The following GALNT12 variants were observed in gnomAD, a reference collection of about 807,000 sequenced individuals.
The protein encoded by GALNT12 is UDP-GalNAc:polypeptide N-acetylgalactosaminyltransferase 12.
In GALNT12, 45 loss-of-function variants were observed where a neutral mutation model predicts 55.5. The observed-to-expected ratio is 0.81, with a 90% CI of 0.64 to 1.04. The LOEUF (loss-of-function observed/expected upper bound fraction) is 1.04, where lower values mean the gene tolerates loss of function less well. Ranked by LOEUF, GALNT12 falls within the 50% of genes least tolerant of loss-of-function variation. The pLI, the probability that GALNT12 is intolerant of heterozygous loss-of-function variation, is 0.00. For missense variants in GALNT12, 709 were observed against 754.8 expected (o/e 0.94, Z 0.71); for synonymous variants, 304 against 312.2 (o/e 0.97, Z 0.28).
At chr9:98,835,991 C>T (rs766452351) in intron 5 of GALNT12, among the ~76,000 whole-genome samples, 4 of 152,194 alleles carry the variant, frequency 2.6e-5, no homozygotes, top group Non-Finnish European at 5.9e-5. Flanking sequence ...CCGCCTTGGC[C>T]TCCCAAAGTG....
At chr9:98,839,286 A>G (rs1385877033) in intron 6 of GALNT12, among the ~76,000 whole-genome samples, 1 of 152,190 alleles carries the variant, frequency 6.6e-6, no homozygotes, top group Non-Finnish European at 1.5e-5. Flanking sequence ...TTATTCAAAC[A>G]TGTACTTATT....
chr9:98,846,376 T>C (rs907283478), intron 9 of GALNT12, among the ~76,000 whole-genome samples: 3 of 152,112 alleles, frequency 2.0e-5, no homozygotes, highest in African/African-American at 7.2e-5. Flanking sequence ...CCTTTTAGTC[T>C]TTTCCATTTC....
chr9:98,834,378 C>T (rs1270503846), intron 4 of GALNT12, among the ~76,000 whole-genome samples: 5 of 152,356 alleles, frequency 3.3e-5, no homozygotes, highest in South Asian at 4.1e-4. Context: ...GCCTCAGCCT[C>T]CCAAAGTGCT....
intron 3 of GALNT12, among the ~76,000 whole-genome samples, chr9:98,831,377 C>G (rs1301842937): frequency 1.3e-5 from 2 of 152,078 alleles, no homozygotes; most frequent in African/African-American, 4.8e-5. Flanking sequence ...TATTCTAATT[C>G]CAAAGCTGAC....
rs149171092 is a variant in GALNT12 at position 98,817,192 on chromosome 9, C to A, written c.372-6064C>A. On this transcript the variant is annotated intron_variant, in intron 1 of 9. Transcript: ENST00000375011. Reference sequence around the variant, plus strand: ...TGTTGCCCAGGCTGATCTCCAACTCCTGGGCTCAAGCGATCCTCCCACCTT... The same window carrying A: ...TGTTGCCCAGGCTGATCTCCAACTCATGGGCTCAAGCGATCCTCCCACCTT... Among the ~76,000 whole-genome samples, 6 of 152,130 alleles carry A rather than the reference C, an allele frequency of 3.9e-5. No individual in the cohort carries two copies. In the South Asian group the frequency reaches 1.2e-3, roughly 31 times the overall value.
chr9:98,823,459 T>G, intron 2 of GALNT12, 34 bp downstream of exon 2: 1 of 1,589,552 alleles, frequency 6.3e-7, no homozygotes. Flanking sequence ...GAAGAGCCTG[T>G]CCTTCTGTAG....
chr9:98,831,317 G>A (rs975212318), intron 3 of GALNT12, among the ~76,000 whole-genome samples: 1 of 152,150 alleles, frequency 6.6e-6, no homozygotes, highest in Admixed American at 6.5e-5. Flanking sequence ...TCTGAAGTTA[G>A]GTGACTTGGC....
At chr9:98,848,710 A>C in intron 9 of GALNT12, 2 of 572,024 alleles carry the variant, frequency 3.5e-6, no homozygotes, top group Non-Finnish European at 6.3e-6. Context: ...GGTATGACAC[A>C]TGCCCAGAGC....
chr9:98,824,048 C>T (rs1835808191), intron 2 of GALNT12, among the ~76,000 whole-genome samples: 1 of 152,202 alleles, frequency 6.6e-6, no homozygotes, highest in African/African-American at 2.4e-5. Flanking sequence ...TGGGCTTAGT[C>T]ACTACAGCCT....
At chr9:98,835,408 T>G in intron 5 of GALNT12, 42 bp downstream of exon 5, 1 of 1,246,560 alleles carries the variant, frequency 8.0e-7, no homozygotes, top group African/African-American at 1.5e-5. Context: ...TCTTAACTGA[T>G]TCTCTCTTTG....
intron 6 of GALNT12, among the ~76,000 whole-genome samples, 178 bp downstream of exon 6, chr9:98,837,326 C>A (rs10116756): frequency 6.6e-6 from 1 of 152,034 alleles, no homozygotes; most frequent in South Asian, 2.1e-4. Flanking sequence ...GTCAAATCTT[C>A]TTATTTACAG....
intron 9 of GALNT12, among the ~76,000 whole-genome samples, chr9:98,847,811 C>CTTT (rs754967420): frequency 6.4e-4 from 79 of 123,022 alleles, no homozygotes; most frequent in East Asian, 1.2e-3. Flanking sequence ...AGGGCTGGAT[C>CTTT]TTTTTTTTTT....
chr9:98,819,199 TTAAAATATA>T (rs1454627806), intron 1 of GALNT12, among the ~76,000 whole-genome samples: 1 of 152,210 alleles, frequency 6.6e-6, no homozygotes, highest in African/African-American at 2.4e-5. Flanking sequence ...TGTGGTGGTT[TTAAAATATA>T]TCCACAAATT....
intron 2 of GALNT12, 108 bp from the exon 3 acceptor site, chr9:98,826,644 T>C: frequency 9.2e-7 from 1 of 1,083,884 alleles, no homozygotes; most frequent in South Asian, 1.3e-5. Context: ...GGCTCCTGTC[T>C]ATTTCATCTT....
Position 98,832,527 on chromosome 9 carries a change from AT to A in GALNT12, c.917+571del, listed in dbSNP as rs1347709518. On this transcript the variant is annotated intron_variant, in intron 4 of 9. Transcript: ENST00000375011. ...AGTGACACCCTGTCTCTATAAAAAA[AT>A]AAATAAATAAAACAAAGCATGCAAT... 1.3e-5 allele frequency among the ~76,000 whole-genome samples: 2 copies of A among 152,212 alleles called. 1 individual carries two copies. The highest frequency in any genetic ancestry group is 3.9e-4 in the East Asian group (2 of 5,194).
At chr9:98,827,905 C>T (rs569876419) in intron 3 of GALNT12, among the ~76,000 whole-genome samples, 1 of 152,268 alleles carries the variant, frequency 6.6e-6, no homozygotes, top group East Asian at 1.9e-4. Flanking sequence ...CTCTCACCCT[C>T]CTACCTTCCC....
At chr9:98,841,866 CG>C (rs1368831454) in intron 7 of GALNT12, among the ~76,000 whole-genome samples, 2 of 151,060 alleles carry the variant, frequency 1.3e-5, no homozygotes, top group Non-Finnish European at 3.0e-5. Flanking sequence ...TTAGCAGAGA[CG>C]GGGTTTCACT....
rs41297187 is a variant in GALNT12, at chr9:98,831,981, C to T, written c.917+24C>T. ...AGGTCAGGAGCTGACTTCTGGGTGA[C>T]TTGTTTTTTAAGCATGCCTCATTGA... On this transcript the variant is annotated intron_variant, in intron 4 of 9. Coordinates refer to ENST00000375011, the MANE Select transcript of GALNT12 (RefSeq NM_024642.5). 0.028 allele frequency: 45,515 copies of T among 1,602,808 alleles called. 875 individuals are homozygous for T. Among genetic ancestry groups the T allele is most frequent in the East Asian group, 0.11 (4,834 of 44,558 alleles).
Position 98,831,934 on chromosome 9 carries a change from G to C in GALNT12, c.894G>C (p.Met298Ile), listed in dbSNP as rs1429382002. 1 of 1,614,034 alleles carries C rather than the reference G, an allele frequency of 6.2e-7. No individual in the cohort carries two copies. Among genetic ancestry groups the C allele is most frequent in the African/African-American group, 1.3e-5 (1 of 75,042 alleles). Residue 298 changes from methionine to isoleucine, a missense_variant, in exon 4 of 10, where the codon ATG becomes ATC. Met to Ile is a conservative substitution (Grantham distance 10). Transcript: ENST00000375011. ...TTCCTGAGAGGGAGAGGATACGGAT[G>C]CAATCCCCCGTCGATGTCATCAGGT... ...HTVPERERIR[M>I]QSPVDVIRSP...
Sources: allele counts gnomAD v4.1 joint callset (sites outside exome capture counted in the v4.1 genomes callset), GRCh38; gene constraint gnomAD v4.1.1; transcripts MANE v1.5; gene names NCBI Gene and HGNC (gene_info 2026-07-23, HGNC 2026-07-21).